LRP1B: variants seen among roughly 807,000 people sequenced by gnomAD.
The protein encoded by LRP1B is low-density lipoprotein receptor-related protein 1B.
Under a neutral mutation model 556.6 loss-of-function variants are expected in LRP1B, and 217 were observed. The observed-to-expected ratio is 0.39, with a 90% confidence interval of 0.35 to 0.44. LRP1B has a LOEUF of 0.44. LRP1B is among the 20% of genes least tolerant of loss of function. The pLI, the probability that LRP1B is intolerant of heterozygous loss-of-function variation, is 1.00. For missense variants in LRP1B, 5,053 were observed against 5,620.8 expected, an observed-to-expected ratio of 0.90 and a Z score of 3.23; for synonymous variants, 2,047 against 1,865.8, an observed-to-expected ratio of 1.10 and a Z score of -2.50.
chr2:141,097,081 G>A (rs1229611829), intron 7 of LRP1B, among the ~76,000 whole-genome samples: 3 of 152,110 alleles, frequency 2.0e-5, no homozygotes, highest in African/African-American at 4.8e-5. Context: ...ACACACTGTG[G>A]CTCTTAATAA....
chr2:140,730,954 C>T (rs932857984), intron 35 of LRP1B, among the ~76,000 whole-genome samples: 1 of 152,162 alleles, frequency 6.6e-6, no homozygotes, highest in Non-Finnish European at 1.5e-5. Flanking sequence ...GTCTCACACG[C>T]TTTCCTGCCT....
intron 18 of LRP1B, among the ~76,000 whole-genome samples, chr2:140,952,655 AAG>A (rs1433710816): frequency 2.0e-5 from 3 of 152,306 alleles, no homozygotes; most frequent in East Asian, 3.9e-4. Flanking sequence ...AGCATAGAAA[AAG>A]AGTTTGAAAA....
At chr2:140,862,173 G>A (rs1035541736) in intron 27 of LRP1B, among the ~76,000 whole-genome samples, 1 of 152,056 alleles carries the variant, frequency 6.6e-6, no homozygotes, top group South Asian at 2.1e-4. Context: ...ACATTTCAAA[G>A]TTTAATTTTT....
Position 140,457,464 on chromosome 2 carries a change from A to G in LRP1B, c.9813T>C (p.Asp3271=), listed in dbSNP as rs1238523909. 1 of 1,606,062 alleles carries G rather than the reference A, an allele frequency of 6.2e-7. No homozygotes were observed. Among genetic ancestry groups the G allele is most frequent in the South Asian group, 1.1e-5 (1 of 90,778 alleles). ...GGAAATCATGGAAAGAATAATTACC[A>G]TCAGGTTGTCTATAAGAATGATACA... The part of the protein sequence containing the change: ...IQVYHSYRQP[D]VSKHLCMINN... Residue 3271 remains aspartate, a splice_region_variant and synonymous_variant, in exon 61 of 91, where the codon GAT becomes GAC. Coordinates refer to ENST00000389484, the MANE Select transcript of LRP1B (RefSeq NM_018557.3).
At chr2:141,175,518 G>A (rs897191868) in intron 7 of LRP1B, among the ~76,000 whole-genome samples, 1 of 152,146 alleles carries the variant, frequency 6.6e-6, no homozygotes, top group Admixed American at 6.5e-5. Flanking sequence ...CTTCCAGGTT[G>A]TGTTGAACCT....
chr2:141,294,330 A>C (rs1010214178), intron 3 of LRP1B, among the ~76,000 whole-genome samples: 7 of 152,186 alleles, frequency 4.6e-5, no homozygotes, highest in Non-Finnish European at 1.0e-4. Context: ...ATTATGACTT[A>C]AGAAAAGTCA....
intron 31 of LRP1B, among the ~76,000 whole-genome samples, chr2:140,821,977 C>A (rs919906118): frequency 6.8e-6 from 1 of 147,880 alleles, no homozygotes; most frequent in African/African-American, 2.5e-5. Flanking sequence ...CCAGCCTGGG[C>A]GACAGAGTGA....
At chr2:140,282,232 T>A (rs1271291985) in intron 84 of LRP1B, among the ~76,000 whole-genome samples, 1 of 151,806 alleles carries the variant, frequency 6.6e-6, no homozygotes. Context: ...TTTAGTAAAA[T>A]GATGTAAATG....
chr2:140,403,291 G>T (rs189104982), intron 66 of LRP1B, among the ~76,000 whole-genome samples: 1 of 152,210 alleles, frequency 6.6e-6, no homozygotes, highest in Admixed American at 6.5e-5. Context: ...TGAAATCATT[G>T]AAATACCAGA....
intron 66 of LRP1B, among the ~76,000 whole-genome samples, 199 bp downstream of exon 66, chr2:140,442,305 C>T (rs1196389742): frequency 1.3e-5 from 2 of 152,188 alleles, no homozygotes; most frequent in Non-Finnish European, 2.9e-5. Context: ...TTAAGGAATA[C>T]TTACTCTTCC....
intron 21 of LRP1B, among the ~76,000 whole-genome samples, chr2:140,920,741 AATT>A (rs1694713820): frequency 6.6e-6 from 1 of 152,008 alleles, no homozygotes; most frequent in African/African-American, 2.4e-5. Flanking sequence ...CAGATGGATA[AATT>A]ATTACCTTTC....
intron 1 of LRP1B, among the ~76,000 whole-genome samples, chr2:142,121,859 C>A (rs1024492089): frequency 6.6e-6 from 1 of 150,958 alleles, no homozygotes; most frequent in East Asian, 2.0e-4. Flanking sequence ...GAGTGATCAC[C>A]AACTATATGA....
At chr2:140,386,806 C>T (rs1328576348) in intron 66 of LRP1B, among the ~76,000 whole-genome samples, 1 of 152,070 alleles carries the variant, frequency 6.6e-6, no homozygotes, top group Non-Finnish European at 1.5e-5. Context: ...AATCAGAATG[C>T]ATGTAATAAG....
chr2:141,116,394 C>T (rs779203791), intron 7 of LRP1B, among the ~76,000 whole-genome samples: 3 of 152,040 alleles, frequency 2.0e-5, no homozygotes, highest in Non-Finnish European at 2.9e-5. Context: ...GATAATATTC[C>T]TAGGCAATTT....
intron 53 of LRP1B, among the ~76,000 whole-genome samples, chr2:140,505,850 A>G (rs1438301852): frequency 6.6e-6 from 1 of 152,150 alleles, no homozygotes; most frequent in Non-Finnish European, 1.5e-5. Flanking sequence ...TTCATTACAT[A>G]TATTTATTCT....
intron 37 of LRP1B, among the ~76,000 whole-genome samples, chr2:140,712,593 T>C (rs1687072018): frequency 6.6e-6 from 1 of 152,004 alleles, no homozygotes; most frequent in African/African-American, 2.4e-5. Context: ...AATATCCCCA[T>C]ACTAAGAAAA....
intron 1 of LRP1B, among the ~76,000 whole-genome samples, chr2:141,915,943 G>A (rs1454406203): frequency 6.6e-6 from 1 of 152,162 alleles, no homozygotes; most frequent in Non-Finnish European, 1.5e-5. Context: ...ATCCTGGCAA[G>A]GCTGTGGAGA....
chr2:141,474,502 TATC>T (rs1229997150), intron 3 of LRP1B, among the ~76,000 whole-genome samples: 1 of 152,176 alleles, frequency 6.6e-6, no homozygotes, highest in Non-Finnish European at 1.5e-5. Context: ...TAACAGAAGT[TATC>T]ATCTAAATTA....
intron 1 of LRP1B, among the ~76,000 whole-genome samples, chr2:141,947,793 GA>G (rs981702112): frequency 6.8e-5 from 9 of 132,102 alleles, no homozygotes; most frequent in Non-Finnish European, 1.3e-4. Flanking sequence ...ATCGAGGCAA[GA>G]AAAATTTTTT....
Sources: gnomAD v4.1 joint callset for allele counts (sites outside exome capture counted in the v4.1 genomes callset) on GRCh38, gnomAD v4.1.1 for gene constraint, MANE v1.5 for transcripts, NCBI Gene and HGNC (gene_info 2026-07-23, HGNC 2026-07-21) for gene names.